Variants in BRWD3 observed in about 807,000 individuals in gnomAD.
BRWD3 encodes the protein bromodomain and WD repeat-containing protein 3.
A neutral mutation model predicts 149.7 loss-of-function variants in BRWD3; 10 were observed. That is an observed-to-expected ratio of 0.07 (90% confidence interval 0.04 to 0.11). The LOEUF is 0.11. BRWD3 is among the 10% of genes least tolerant of loss of function. BRWD3 has a pLI of 1.00. For missense variants in BRWD3, 940 were observed against 1,373.2 expected (o/e 0.68, Z 4.99); for synonymous variants, 504 against 456.7 (o/e 1.10, Z -1.32).
chrX:80,808,616 A>C lies in BRWD3; in HGVS notation c.121-18T>G. 8.3e-7 allele frequency: 1 copy of C among 1,201,482 alleles called. No homozygotes were observed. ...GGAATCAGCTGGGGGCCGGACGAAA[A>C]GAAAGGGGGAAGCGGAGGCAAATGA... On this transcript the variant is annotated intron_variant, in intron 3 of 40. Transcript: ENST00000373275.
intron 6 of BRWD3, among the ~76,000 whole-genome samples, chrX:80,754,481 A>G (rs190828314): frequency 4.5e-5 from 5 of 111,436 alleles, no homozygotes; most frequent in African/African-American, 1.6e-4. Flanking sequence ...CTCTTTTCCA[A>G]TTTGGATGCC....
chrX:80,722,503 C>G (rs2073165213), intron 17 of BRWD3, 59 bp downstream of exon 17: 3 of 1,040,331 alleles, frequency 2.9e-6, no homozygotes, highest in Admixed American at 2.2e-5. Context: ...ATAGAGAGAA[C>G]AGCAGTAATG....
intron 28 of BRWD3, 45 bp downstream of exon 28, chrX:80,692,895 T>A: frequency 9.8e-7 from 1 of 1,023,953 alleles, no homozygotes; most frequent in Non-Finnish European, 1.4e-6. Context: ...GTCCACATAC[T>A]ACTACAATGT....
intron 33 of BRWD3, among the ~76,000 whole-genome samples, chrX:80,689,209 C>T (rs898885805): frequency 1.8e-5 from 2 of 111,039 alleles, no homozygotes; most frequent in Non-Finnish European, 3.8e-5. Context: ...AACCTCCAGT[C>T]AAATACGGCT....
At chrX:80,808,629 C>A (rs2074374513) in intron 3 of BRWD3, 31 bp from the exon 4 acceptor site, 1 of 1,186,056 alleles carries the variant, frequency 8.4e-7, no homozygotes. Context: ...AAGGGGGAAG[C>A]GGAGGCAAAT....
chrX:80,698,950 A>G (rs1036385696), intron 25 of BRWD3, among the ~76,000 whole-genome samples: 1 of 110,937 alleles, frequency 9.0e-6, no homozygotes, highest in African/African-American at 3.3e-5. Flanking sequence ...ACGGTGGCTC[A>G]TGCCTGTATC....
At chrX:80,708,332 G>A (rs1355697961) in intron 21 of BRWD3, among the ~76,000 whole-genome samples, 1 of 110,400 alleles carries the variant, frequency 9.1e-6, no homozygotes, top group African/African-American at 3.3e-5. Context: ...GGAGGTGGAG[G>A]CTGTAGACAG....
At chrX:80,702,358 T>G (rs776952720) in intron 24 of BRWD3, among the ~76,000 whole-genome samples, 9 of 112,276 alleles carry the variant, frequency 8.0e-5, no homozygotes, top group Admixed American at 5.7e-4. Context: ...AAATAGTCCT[T>G]AGACAGGAGT....
intron 35 of BRWD3, among the ~76,000 whole-genome samples, chrX:80,686,202 G>C (rs1185397469): frequency 1.9e-5 from 2 of 104,101 alleles, no homozygotes; most frequent in East Asian, 6.1e-4. Context: ...ACGCATAGGT[G>C]GGAATTGAAC....
Position 80,669,654 on chromosome X carries a change from T to C in BRWD3, c.*6955A>G, listed in dbSNP as rs2072308348. 9.0e-6 allele frequency among the ~76,000 whole-genome samples: 1 copy of C among 111,274 alleles called. No homozygotes were observed. Among genetic ancestry groups the C allele is most frequent in the Admixed American group, 9.6e-5 (1 of 10,432 alleles). ...AGGGAGGAGGGAACACGTTAGCAGT[T>C]TCCTTGACTTAAATTACTTAACAGA... On this transcript the variant is annotated 3_prime_UTR_variant, in exon 41 of 41. Transcript: ENST00000373275.
Position 80,696,730 on chromosome X carries a change from A to G in BRWD3, c.3068+9T>C. The G allele has an allele frequency of 8.3e-7, 1 of 1,209,827 alleles. No individual in the cohort carries two copies. Among genetic ancestry groups the G allele is most frequent in the Admixed American group, 2.2e-5 (1 of 45,875 alleles). On this transcript the variant is annotated intron_variant, in intron 26 of 40. Coordinates refer to ENST00000373275, the MANE Select transcript of BRWD3 (RefSeq NM_153252.5). The stretch of plus-strand genomic sequence containing the variant: ...ACACTCAAACAGAGACTCAGAGATA[A>G]CTACTCACTTAATGGAAAAAGATTC...
At chrX:80,730,065 A>G (rs377305401) in intron 12 of BRWD3, 45 bp from the exon 13 acceptor site, 1 of 958,913 alleles carries the variant, frequency 1.0e-6, no homozygotes, top group East Asian at 3.3e-5. Context: ...CAAAAATGTA[A>G]ATCACTTTTT....
At chrX:80,746,416 T>C (rs191332793) in intron 6 of BRWD3, among the ~76,000 whole-genome samples, 1 of 110,690 alleles carries the variant, frequency 9.0e-6, no homozygotes, top group Non-Finnish European at 1.9e-5. Flanking sequence ...CGCTTTGCCT[T>C]GTTCTGCATT....
intron 6 of BRWD3, among the ~76,000 whole-genome samples, chrX:80,789,762 A>G (rs921849675): frequency 9.1e-6 from 1 of 110,330 alleles, no homozygotes; most frequent in African/African-American, 3.3e-5. Context: ...TACACCATTC[A>G]TTTAACTTTT....
intron 12 of BRWD3, among the ~76,000 whole-genome samples, chrX:80,730,421 G>GAAAGAAAGAAAGAA (rs2073311096): frequency 9.3e-6 from 1 of 107,975 alleles, no homozygotes; most frequent in Non-Finnish European, 1.9e-5. Context: ...AAGAAAGAAA[G>GAAAGAAAGAAAGAA]AAAGAAAGAA....
chrX:80,717,095 A>T (rs1252817687), intron 19 of BRWD3: 1 of 116,767 alleles, frequency 8.6e-6, no homozygotes, highest in East Asian at 2.6e-4. Context: ...AGCAAATGTC[A>T]GGGTTTACAA....
In BRWD3 at chrX:80,691,177, C is replaced by G. The variant is rs747328189; in HGVS notation, c.3482-4G>C. The G allele has an allele frequency of 1.5e-5, 18 of 1,202,906 alleles. No homozygotes were observed. The East Asian group carries it at 4.8e-4, about 32-fold the overall frequency. Reference sequence around the variant, plus strand: ...ACAGCAAAAGGGCTGGCAAAATCTACAAAATTATGAAAATCAAATAAGGTA... The same window carrying G: ...ACAGCAAAAGGGCTGGCAAAATCTAGAAAATTATGAAAATCAAATAAGGTA... On this transcript the variant is annotated splice_polypyrimidine_tract_variant and splice_region_variant and intron_variant, in intron 30 of 40. Transcript: ENST00000373275.
In BRWD3 at chrX:80,677,056, G is replaced by T; in HGVS notation, c.4962C>A (p.Leu1654=). The stretch of plus-strand genomic sequence containing the variant: ...TTTTTCCATTGCCATGTTGCTTTCT[G>T]AGTTTTCTTTTAGGTCTGGTTTGTA... ...KFIQTRPKRK[L]RKQHGNGKRN... Residue 1654 remains leucine (L), a synonymous_variant, in exon 41 of 41, where the codon CTC becomes CTA. Coordinates refer to ENST00000373275, the MANE Select transcript of BRWD3 (RefSeq NM_153252.5). The T allele has an allele frequency of 8.3e-7, 1 of 1,211,209 alleles. No individual in the cohort carries two copies. The highest frequency in any genetic ancestry group is 1.1e-6 in the Non-Finnish European group (1 of 895,276).
At chrX:80,794,545 A>T (rs923018558) in intron 4 of BRWD3, among the ~76,000 whole-genome samples, 2 of 109,503 alleles carry the variant, frequency 1.8e-5, no homozygotes, top group Non-Finnish European at 3.8e-5. Flanking sequence ...ATATATCTCT[A>T]TATGTATGTG....
Sources: allele counts gnomAD v4.1 joint callset (sites outside exome capture counted in the v4.1 genomes callset), GRCh38; gene constraint gnomAD v4.1.1; transcripts MANE v1.5; gene names NCBI Gene and HGNC (gene_info 2026-07-23, HGNC 2026-07-21).